Variants in MSRA observed in about 807,000 individuals in gnomAD.
MSRA encodes the protein methionine sulfoxide reductase A, also known as mitochondrial peptide methionine sulfoxide reductase.
A neutral mutation model predicts 31.3 loss-of-function variants in MSRA; 54 were observed. The ratio of observed to expected loss-of-function variants is 1.73; its 90% CI spans 1.39 to 2.17. The LOEUF is 2.17. Among genes scored for constraint, MSRA ranks in the 30% most tolerant of loss-of-function variants. The pLI, the probability that MSRA is intolerant of heterozygous loss-of-function variation, is 0.00. For missense variants in MSRA, 507 were observed against 300.9 expected (o/e 1.69, Z -5.07); for synonymous variants, 169 against 116.5 (o/e 1.45, Z -2.90).
chr8:10,363,738 C>CCACACACACACACACATACACACA (rs1804992394), intron 5 of MSRA, among the ~76,000 whole-genome samples: 1 of 103,288 alleles, frequency 9.7e-6, no homozygotes, highest in East Asian at 4.1e-4. Context: ...GATGCAGTCA[C>CCACACACACACACACATACACACA]CACACACACA....
At chr8:10,256,768 G>T (rs888184884) in intron 3 of MSRA, among the ~76,000 whole-genome samples, 1 of 152,004 alleles carries the variant, frequency 6.6e-6, no homozygotes, top group African/African-American at 2.4e-5. Context: ...GTATTTCTCT[G>T]TCCCCCCGAG....
At chr8:10,126,422 A>G (rs1375341276) in intron 1 of MSRA, among the ~76,000 whole-genome samples, 2 of 152,174 alleles carry the variant, frequency 1.3e-5, no homozygotes, top group African/African-American at 4.8e-5. Flanking sequence ...GTTTCATGGA[A>G]GACAGTTTTT....
intron 3 of MSRA, among the ~76,000 whole-genome samples, chr8:10,248,165 A>C (rs540199476): frequency 1.3e-5 from 2 of 152,226 alleles, no homozygotes; most frequent in Non-Finnish European, 2.9e-5. Flanking sequence ...GAGAAATACT[A>C]GTCTGTACTC....
chr8:10,278,971 A>T (rs887720507), intron 3 of MSRA, among the ~76,000 whole-genome samples: 3 of 152,164 alleles, frequency 2.0e-5, no homozygotes, highest in Admixed American at 1.3e-4. Context: ...AGTAACTGGA[A>T]TAGATTTTTG....
intron 2 of MSRA, among the ~76,000 whole-genome samples, chr8:10,213,705 C>T (rs1183218623): frequency 1.3e-5 from 2 of 151,784 alleles, no homozygotes; most frequent in African/African-American, 4.9e-5. Context: ...CCAGGTACCA[C>T]ATTTTCTTTG....
At position 10,088,590 on chromosome 8, in the gene MSRA, C is replaced by G. The variant is rs187738963; in HGVS notation, c.142+33932C>G. Among the ~76,000 whole-genome samples, 338 of 152,242 alleles carry G rather than the reference C, an allele frequency of 2.2e-3. 2 individuals carry two copies. In the Middle Eastern group the frequency reaches 0.024, roughly 11 times the overall value. On this transcript the variant is annotated intron_variant, in intron 1 of 5. Transcript: ENST00000317173. ...TCTCTACTAAACATACAAAAATTAG[C>G]TGAGTGTGGTGGCTGCATGCTTGCA...
rs904963015 is a variant in MSRA, at chr8:10,054,786, C to G, written c.142+128C>G. Reference sequence around the variant, plus strand: ...CTCGGGCGGGTCGCGGGGTGGGGGTCTGCGCAGGCGCGAAGGGGCGCCGGC... The same window carrying G: ...CTCGGGCGGGTCGCGGGGTGGGGGTGTGCGCAGGCGCGAAGGGGCGCCGGC... On this transcript the variant is annotated intron_variant, in intron 1 of 5. Transcript: ENST00000317173. 4 of 1,118,740 alleles carry G rather than the reference C, an allele frequency of 3.6e-6. No individual in the cohort carries two copies. The African/African-American group carries it at 4.9e-5, about 14-fold the overall frequency. 69.3% of individuals were successfully genotyped at this position (1,118,740 alleles called of 1,614,324 possible). A position where few individuals can be genotyped will look rare whatever the true frequency, so the allele number is the denominator to read the frequency against.
At chr8:10,249,298 C>G (rs1797793927) in intron 3 of MSRA, among the ~76,000 whole-genome samples, 1 of 152,160 alleles carries the variant, frequency 6.6e-6, no homozygotes, top group Non-Finnish European at 1.5e-5. Flanking sequence ...ATATATATCT[C>G]AGTCTATTGT....
chr8:10,318,933 C>G (rs1801881418), intron 4 of MSRA, among the ~76,000 whole-genome samples: 1 of 152,188 alleles, frequency 6.6e-6, no homozygotes. Flanking sequence ...CACCGCACTG[C>G]TCCGCAGTCC....
chr8:10,208,840 G>A (rs1257844967), intron 2 of MSRA, among the ~76,000 whole-genome samples: 1 of 152,156 alleles, frequency 6.6e-6, no homozygotes, highest in Non-Finnish European at 1.5e-5. Context: ...GGTCTTGATG[G>A]TAATCTCCTT....
intron 5 of MSRA, among the ~76,000 whole-genome samples, chr8:10,347,112 A>G (rs773203666): frequency 6.6e-6 from 1 of 152,022 alleles, no homozygotes; most frequent in African/African-American, 2.4e-5. Context: ...TATTTTAGTC[A>G]TTACTGGTTC....
chr8:10,129,986 A>G (rs980817831), intron 1 of MSRA, among the ~76,000 whole-genome samples: 68 of 152,306 alleles, frequency 4.5e-4, no homozygotes, highest in African/African-American at 1.6e-3. Context: ...TTGTATGTGC[A>G]CCTATCCCCA....
chr8:10,102,305 T>G (rs1217076936), intron 1 of MSRA, among the ~76,000 whole-genome samples: 2 of 152,220 alleles, frequency 1.3e-5, no homozygotes, highest in Non-Finnish European at 2.9e-5. Flanking sequence ...TACCAGTGCT[T>G]GATACTGATT....
chr8:10,285,629 T>C (rs1799892123), intron 3 of MSRA, among the ~76,000 whole-genome samples: 1 of 151,894 alleles, frequency 6.6e-6, no homozygotes, highest in Non-Finnish European at 1.5e-5. Context: ...TGTTAACCAG[T>C]CTCTCCCTAT....
chr8:10,372,261 G>A (rs1211151343), intron 5 of MSRA, among the ~76,000 whole-genome samples: 1 of 152,142 alleles, frequency 6.6e-6, no homozygotes, highest in Non-Finnish European at 1.5e-5. Context: ...GGGTCCAATT[G>A]GGAATTAAGA....
intron 1 of MSRA, among the ~76,000 whole-genome samples, chr8:10,075,136 A>G (rs1797939157): frequency 6.6e-6 from 1 of 152,128 alleles, no homozygotes; most frequent in Admixed American, 6.5e-5. Context: ...AATAGTGATT[A>G]TTGTATTTCT....
chr8:10,376,309 G>A (rs1015420395), intron 5 of MSRA, among the ~76,000 whole-genome samples: 5 of 152,206 alleles, frequency 3.3e-5, no homozygotes, highest in Admixed American at 2.6e-4. Flanking sequence ...GCCAGGAACA[G>A]CAAATGCCAT....
intron 5 of MSRA, among the ~76,000 whole-genome samples, chr8:10,375,194 T>G (rs1441615924): frequency 6.6e-6 from 1 of 152,200 alleles, no homozygotes; most frequent in Non-Finnish European, 1.5e-5. Context: ...CTCTTCCTAC[T>G]TATTCCTATC....
intron 3 of MSRA, among the ~76,000 whole-genome samples, chr8:10,246,832 A>G (rs1040193305): frequency 4.1e-4 from 62 of 151,970 alleles, no homozygotes; most frequent in Admixed American, 7.2e-4. Flanking sequence ...ATTTTTTTTT[A>G]ACTTCTGTTT....
Sources: allele counts gnomAD v4.1 joint callset (sites outside exome capture counted in the v4.1 genomes callset), GRCh38; gene constraint gnomAD v4.1.1; transcripts MANE v1.5; gene names NCBI Gene and HGNC (gene_info 2026-07-23, HGNC 2026-07-21).